Variants in SCAF8 observed in about 807,000 individuals in gnomAD.
The protein encoded by SCAF8 is SR-related and CTD-associated factor 8.
Under a neutral mutation model 140.5 loss-of-function variants are expected in SCAF8, and 23 were observed. The observed-to-expected ratio is 0.16, with a 90% confidence interval of 0.12 to 0.23. The LOEUF (loss-of-function observed/expected upper bound fraction) is 0.23. Ranked by LOEUF, SCAF8 falls within the 10% of genes least tolerant of loss-of-function variation. The pLI, the probability that SCAF8 is intolerant of heterozygous loss-of-function variation, is 1.00. For missense variants in SCAF8, 1,397 were observed against 1,555.7 expected (o/e 0.90, Z 1.72); for synonymous variants, 575 against 528.9 (o/e 1.09, Z -1.20).
intron 1 of SCAF8, among the ~76,000 whole-genome samples, chr6:154,737,424 C>T (rs1222172009): frequency 1.6e-4 from 25 of 152,072 alleles, no homozygotes; most frequent in Non-Finnish European, 1.5e-5. Flanking sequence ...GCCTGTAATC[C>T]CATCCCTTTG....
intron 8 of SCAF8, among the ~76,000 whole-genome samples, chr6:154,805,021 C>A (rs1777872329): frequency 6.6e-6 from 1 of 152,004 alleles, no homozygotes; most frequent in Non-Finnish European, 1.5e-5. Context: ...GTTAAAGTAA[C>A]AATGTTTAAA....
At chr6:154,806,905 A>G (rs1376079508) in intron 9 of SCAF8, among the ~76,000 whole-genome samples, 1 of 152,212 alleles carries the variant, frequency 6.6e-6, no homozygotes, top group Admixed American at 6.5e-5. Context: ...AGAAAAAACA[A>G]AGTTGTAACT....
chr6:154,782,812 T>G (rs1361405383), intron 3 of SCAF8, among the ~76,000 whole-genome samples: 1 of 152,036 alleles, frequency 6.6e-6, no homozygotes, highest in Non-Finnish European at 1.5e-5. Flanking sequence ...ATCTCTCGTT[T>G]TCATATTTTT....
intron 16 of SCAF8, among the ~76,000 whole-genome samples, chr6:154,823,078 C>A (rs1778466088): frequency 6.6e-6 from 1 of 152,200 alleles, no homozygotes; most frequent in Non-Finnish European, 1.5e-5. Context: ...AATGAACATT[C>A]TGTTCAGAGG....
chr6:154,799,775 C>CTATTTATTTATT (rs376273596), intron 6 of SCAF8, among the ~76,000 whole-genome samples: 2 of 150,378 alleles, frequency 1.3e-5, no homozygotes, highest in Non-Finnish European at 3.0e-5. Context: ...TCAGTGACTG[C>CTATTTATTTATT]TATTTATTTA....
intron 7 of SCAF8, among the ~76,000 whole-genome samples, chr6:154,802,815 A>G (rs977530468): frequency 6.6e-6 from 1 of 152,182 alleles, no homozygotes; most frequent in African/African-American, 2.4e-5. Flanking sequence ...AAAAATTAAA[A>G]TTCTTTAATC....
chr6:154,740,625 CTT>C (rs66980794), intron 1 of SCAF8, among the ~76,000 whole-genome samples: 6 of 138,486 alleles, frequency 4.3e-5, no homozygotes, highest in Admixed American at 7.4e-5. Flanking sequence ...TTTTCTTTTT[CTT>C]TTTTTTTTTT....
At chr6:154,814,580 T>C (rs1289002950) in intron 12 of SCAF8, among the ~76,000 whole-genome samples, 5 of 152,150 alleles carry the variant, frequency 3.3e-5, no homozygotes, top group Non-Finnish European at 7.4e-5. Context: ...GGTACCTTCA[T>C]GTGGGGCTAA....
intron 3 of SCAF8, among the ~76,000 whole-genome samples, chr6:154,782,186 G>A (rs1459562874): frequency 6.6e-6 from 1 of 152,140 alleles, no homozygotes; most frequent in East Asian, 1.9e-4. Flanking sequence ...GAGGGGCCAA[G>A]GCTGGGCTCA....
intron 1 of SCAF8, among the ~76,000 whole-genome samples, chr6:154,760,994 G>A (rs1776376416): frequency 6.6e-6 from 1 of 151,794 alleles, no homozygotes; most frequent in African/African-American, 2.4e-5. Flanking sequence ...TAGAGGCAGG[G>A]CCTTGCTGTG....
chr6:154,828,551 C>T (rs1159254578), intron 18 of SCAF8, among the ~76,000 whole-genome samples: 3 of 150,184 alleles, frequency 2.0e-5, no homozygotes, highest in African/African-American at 7.4e-5. Context: ...ATTGTTTCAT[C>T]TTTGGACGGT....
Position 154,810,118 on chromosome 6 carries a change from C to A in SCAF8, c.1330C>A (p.Arg444=). The change falls in exon 12 of 20, where the codon CGG becomes AGG. Residue 444 remains arginine (R), a synonymous_variant. Coordinates refer to ENST00000367178, the MANE Select transcript of SCAF8 (RefSeq NM_014892.5). ...AAGAGAAAGAAAGAGGAAATCATCA[C>A]GGTCGTATTCAAGTGAAAGGAGAGC... The part of the protein sequence containing the change: ...RSRERKRKSS[R]SYSSERRARE... The A allele has an allele frequency of 6.2e-7, 1 of 1,613,678 alleles. No individual in the cohort carries two copies. The highest frequency in any genetic ancestry group is 8.5e-7 in the Non-Finnish European group (1 of 1,179,798).
chr6:154,774,823 G>T (rs374547784), intron 2 of SCAF8, among the ~76,000 whole-genome samples: 46 of 152,182 alleles, frequency 3.0e-4, no homozygotes, highest in Middle Eastern at 3.4e-3. Flanking sequence ...AAACATATGC[G>T]CAAAATTTTA....
intron 1 of SCAF8, among the ~76,000 whole-genome samples, chr6:154,744,340 T>A (rs978193717): frequency 6.6e-6 from 1 of 151,986 alleles, no homozygotes; most frequent in Non-Finnish European, 1.5e-5. Flanking sequence ...TATCAAAACA[T>A]CTTATGTACA....
Position 154,832,185 on chromosome 6 carries a change from T to G in SCAF8, c.2606T>G (p.Leu869Trp), listed in dbSNP as rs935062416. 1.9e-6 allele frequency: 3 copies of G among 1,614,166 alleles called. No homozygotes were observed. Among genetic ancestry groups the G allele is most frequent in the Middle Eastern group, 1.6e-4 (1 of 6,062 alleles). The change falls in exon 20 of 20, where the codon TTG (leucine) becomes TGG (tryptophan). Residue 869 changes from leucine to tryptophan, a missense_variant. Physicochemically the swap from Leu to Trp is moderately conservative, Grantham distance 61. Transcript: ENST00000367178. ...AGTGTGTCAAATAGTTCTGGACTTT[T>G]GGGAGTGCTACCCCCAAATATACCT... ...PPSVSNSSGL[L>W]GVLPPNIPNN...
intron 10 of SCAF8, 148 bp from the exon 11 acceptor site, chr6:154,808,538 A>G (rs563352948): frequency 1.7e-6 from 1 of 594,550 alleles, no homozygotes; most frequent in East Asian, 2.8e-5. Context: ...TACTTCTTCT[A>G]ATGGGGCCCA....
chr6:154,746,431 T>C lies in SCAF8; in HGVS notation c.30+12501T>C, dbSNP rs547685733. ...AAATTATATATATACATACATTCTC[T>C]TTCTCATCTGTTTTGTATCCGTTTA... On this transcript the variant is annotated intron_variant, in intron 1 of 19. Coordinates refer to ENST00000367178, the MANE Select transcript of SCAF8 (RefSeq NM_014892.5). 2.9e-4 allele frequency among the ~76,000 whole-genome samples: 44 copies of C among 152,328 alleles called. No homozygotes were observed. In the South Asian group the frequency reaches 9.1e-3, roughly 32 times the overall value.
intron 19 of SCAF8, among the ~76,000 whole-genome samples, chr6:154,831,677 G>A (rs1778738118): frequency 9.7e-6 from 1 of 103,360 alleles, no homozygotes; most frequent in Non-Finnish European, 1.8e-5. Context: ...CTGTCCTAAA[G>A]CCTTTTAAAC....
At chr6:154,767,368 T>G (rs1022651571) in intron 1 of SCAF8, among the ~76,000 whole-genome samples, 7 of 151,838 alleles carry the variant, frequency 4.6e-5, no homozygotes, top group African/African-American at 1.7e-4. Context: ...GTAAGTGTTC[T>G]TTGTGGTATT....
Sources: allele counts gnomAD v4.1 joint callset (sites outside exome capture counted in the v4.1 genomes callset), GRCh38; gene constraint gnomAD v4.1.1; transcripts MANE v1.5; gene names NCBI Gene and HGNC (gene_info 2026-07-23, HGNC 2026-07-21).